The following SORBS2 variants were observed in gnomAD, a reference collection of about 807,000 sequenced individuals.
SORBS2 encodes the protein sorbin and SH3 domain-containing protein 2.
Under a neutral mutation model 97.7 loss-of-function variants are expected in SORBS2, and 46 were observed. The ratio of observed to expected loss-of-function variants is 0.47; its 90% CI spans 0.37 to 0.60. The LOEUF (loss-of-function observed/expected upper bound fraction) is 0.60, where lower values mean the gene tolerates loss of function less well. Ranked by LOEUF, SORBS2 falls within the 20% of genes least tolerant of loss-of-function variation. SORBS2 has a pLI of 0.00. For synonymous variants in SORBS2, 476 were observed against 473.4 expected (o/e 1.01, Z -0.07); for missense variants, 1,316 against 1,282.3 (o/e 1.03, Z -0.40).
At chr4:185,869,696 A>T (rs192596609) in intron 1 of SORBS2, among the ~76,000 whole-genome samples, 1 of 152,222 alleles carries the variant, frequency 6.6e-6, no homozygotes, top group Non-Finnish European at 1.5e-5. Context: ...CTAAGAAAGG[A>T]AATTTGAGTT....
chr4:185,855,448 G>A (rs886887464), intron 1 of SORBS2, among the ~76,000 whole-genome samples: 13 of 151,908 alleles, frequency 8.6e-5, no homozygotes, highest in South Asian at 4.2e-4. Context: ...ACTTTACACC[G>A]AGAACACTAG....
In SORBS2 at chr4:185,884,964, T is replaced by G. The variant is rs897872911; in HGVS notation, c.-338+71232A>C. Among the ~76,000 whole-genome samples, 4 of 152,188 alleles carry G rather than the reference T, an allele frequency of 2.6e-5. No homozygotes were observed. The South Asian group carries it at 8.3e-4, about 32-fold the overall frequency. On this transcript the variant is annotated intron_variant, in intron 1 of 20. Coordinates refer to the SORBS2 transcript ENST00000284776. The stretch of plus-strand genomic sequence containing the variant: ...GCCGAAGTGGTGGCACGGCATAAAT[T>G]GATACATGAAATCCACCATCTGTTC...
intron 2 of SORBS2, among the ~76,000 whole-genome samples, chr4:185,694,227 G>T (rs370832484): frequency 1.4e-4 from 21 of 152,326 alleles, no homozygotes; most frequent in African/African-American, 5.1e-4. Context: ...CTGAAAAAGT[G>T]TCCTTGATTG....
chr4:185,874,686 C>T (rs2099232320), intron 1 of SORBS2, among the ~76,000 whole-genome samples: 1 of 152,124 alleles, frequency 6.6e-6, no homozygotes, highest in Non-Finnish European at 1.5e-5. Context: ...TGTAAATAAA[C>T]TCTGCTGTAT....
At chr4:185,815,577 GATTTTCAAACAAATATATTATC>G (rs1190001044) in intron 1 of SORBS2, among the ~76,000 whole-genome samples, 5 of 152,008 alleles carry the variant, frequency 3.3e-5, no homozygotes, top group African/African-American at 1.2e-4. Flanking sequence ...TGTTTAGAAG[GATTTTCAAACAAATATATTATC>G]ATCAAAGAAT....
At position 185,781,865 on chromosome 4, in the gene SORBS2, C is replaced by T. The variant is rs192142071; in HGVS notation, c.-337-6499G>A. On this transcript the variant is annotated intron_variant, in intron 1 of 20. Coordinates refer to the SORBS2 transcript ENST00000284776. ...AGGAAGGACTTCCCTGCTCCACCAGCGTAGCCCCGCCACCCCCTTTTTTTA... is the reference window on the plus strand; with the variant it reads ...AGGAAGGACTTCCCTGCTCCACCAGTGTAGCCCCGCCACCCCCTTTTTTTA... Among the ~76,000 whole-genome samples, 402 of 152,398 alleles carry T rather than the reference C, an allele frequency of 2.6e-3. 1 individual carries two copies. Among genetic ancestry groups the T allele is most frequent in the African/African-American group, 8.8e-3 (367 of 41,606 alleles).
intron 1 of SORBS2, among the ~76,000 whole-genome samples, chr4:185,829,592 A>T (rs2099204034): frequency 1.3e-5 from 2 of 152,284 alleles, no homozygotes; most frequent in South Asian, 4.1e-4. Flanking sequence ...ACACAAACCA[A>T]GAGATGACAT....
chr4:185,674,268 G>A (rs543266043), intron 4 of SORBS2, among the ~76,000 whole-genome samples: 2 of 152,302 alleles, frequency 1.3e-5, no homozygotes, highest in South Asian at 2.1e-4. Context: ...AGTCTCAGCT[G>A]ATGGCGATGC....
Position 185,768,712 on chromosome 4 carries a change from C to CAAAA in SORBS2, c.-198+6511_-198+6514dup, listed in dbSNP as rs72088117. On this transcript the variant is annotated intron_variant, in intron 2 of 20. Coordinates refer to the SORBS2 transcript ENST00000284776. ...AGACTCTGTCTCAAAAAAAAAAAAA[C>CAAAA]AAAAAAACAAAAAAAAATGCAAATT... 7.3e-4 allele frequency among the ~76,000 whole-genome samples: 85 copies of CAAAA among 116,808 alleles called. 1 individual carries two copies. The highest frequency in any genetic ancestry group is 1.8e-3 in the African/African-American group (56 of 30,702). 76.6% of individuals were successfully genotyped at this position (116,808 alleles called of 152,430 possible). A position where few individuals can be genotyped will look rare whatever the true frequency, so the allele number is the denominator to read the frequency against.
intron 1 of SORBS2, among the ~76,000 whole-genome samples, chr4:185,781,506 CCCT>C (rs2099028871): frequency 6.6e-6 from 1 of 151,968 alleles, no homozygotes; most frequent in African/African-American, 2.4e-5. Context: ...TCTCTAGCCT[CCCT>C]TCCATTGCCT....
intron 1 of SORBS2, among the ~76,000 whole-genome samples, chr4:185,876,832 T>C (rs777078135): frequency 8.5e-5 from 13 of 152,244 alleles, no homozygotes; most frequent in Non-Finnish European, 1.8e-4. Flanking sequence ...CCACGTAGGA[T>C]GCTGGAATGA....
rs556061603 is a variant in SORBS2 at position 185,933,660 on chromosome 4, T to C, written c.-338+22536A>G. ...TGTCCATGTCCAAACTTCCCCTTTT[T>C]ATAAACAAGGACACCACTTATATTG... On this transcript the variant is annotated intron_variant, in intron 1 of 20. Transcript: ENST00000284776. Among the ~76,000 whole-genome samples the C allele has an allele frequency of 7.2e-5, 11 of 152,194 alleles. No homozygotes were observed. The East Asian group carries it at 1.7e-3, about 24-fold the overall frequency.
intron 2 of SORBS2, among the ~76,000 whole-genome samples, chr4:185,679,429 T>G (rs771174185): frequency 1.4e-4 from 21 of 152,228 alleles, no homozygotes; most frequent in Non-Finnish European, 2.4e-4. Context: ...GCTAGTAAGC[T>G]GTGGAAAATA....
intron 2 of SORBS2, chr4:185,690,587 TTTG>T: frequency 2.0e-6 from 3 of 1,509,350 alleles, no homozygotes; most frequent in South Asian, 1.3e-5. Flanking sequence ...CCTTGGAGAG[TTTG>T]TTATTAAAGT....
intron 4 of SORBS2, among the ~76,000 whole-genome samples, chr4:185,672,445 G>GACA (rs879649401): frequency 5.3e-5 from 8 of 152,254 alleles, no homozygotes; most frequent in Admixed American, 4.6e-4. Context: ...CAAAGTGTCT[G>GACA]GCTTATACCT....
intron 1 of SORBS2, among the ~76,000 whole-genome samples, chr4:185,799,742 G>A (rs1056603158): frequency 6.6e-6 from 1 of 152,186 alleles, no homozygotes; most frequent in African/African-American, 2.4e-5. Flanking sequence ...TGCGTCAGAT[G>A]CAGTGCTCTC....
chr4:185,744,329 C>G (rs1271560458), intron 2 of SORBS2, among the ~76,000 whole-genome samples: 2 of 152,130 alleles, frequency 1.3e-5, no homozygotes. Context: ...TCCATGCAGG[C>G]TTTTCCAGGG....
chr4:185,663,494 C>T (rs1482690925), intron 4 of SORBS2, among the ~76,000 whole-genome samples: 1 of 152,188 alleles, frequency 6.6e-6, no homozygotes, highest in Non-Finnish European at 1.5e-5. Context: ...AAATTACACT[C>T]ATATCATAAC....
chr4:185,656,987 G>A (rs771612641), upstream of SORBS2: 117 of 1,070,620 alleles, frequency 1.1e-4, no homozygotes, highest in Non-Finnish European at 1.3e-4. Flanking sequence ...CCAATCTCCC[G>A]GTGTTAACAC....
Sources: gnomAD v4.1 joint callset for allele counts (sites outside exome capture counted in the v4.1 genomes callset) on GRCh38, gnomAD v4.1.1 for gene constraint, MANE v1.5 for transcripts, NCBI Gene and HGNC (gene_info 2026-07-23, HGNC 2026-07-21) for gene names.